The following ZBED4 variants were observed in gnomAD, a reference collection of about 807,000 sequenced individuals.
ZBED4 encodes zinc finger BED-type containing 4.
ZBED4 carries 4 observed loss-of-function variants against 15.5 expected under a neutral mutation model. The ratio of observed to expected loss-of-function variants is 0.26; its 90% CI spans 0.13 to 0.59. ZBED4 has a LOEUF of 0.59. Among genes scored for constraint, ZBED4 ranks in the 20% least tolerant of loss-of-function variants. ZBED4 has a pLI of 0.90. For missense variants in ZBED4, 1,323 were observed against 1,461.8 expected (o/e 0.91, Z 1.55); for synonymous variants, 692 against 608.5 (o/e 1.14, Z -2.02).
chr22:49,877,526 G>A (rs1047831231), intron 1 of ZBED4, among the ~76,000 whole-genome samples: 5 of 151,890 alleles, frequency 3.3e-5, no homozygotes, highest in Non-Finnish European at 5.9e-5. Flanking sequence ...TCCTGACCTC[G>A]TGTGATCCCT....
Position 49,884,232 on chromosome 22 carries a change from A to T in ZBED4, c.570A>T (p.Pro190=). The T allele has an allele frequency of 6.2e-7, 1 of 1,601,826 alleles. No individual in the cohort carries two copies. The highest frequency in any genetic ancestry group is 8.5e-7 in the Non-Finnish European group (1 of 1,172,964). The change falls in exon 2 of 2, where the codon CCA becomes CCT. Residue 190 remains proline (P), a synonymous_variant. Coordinates refer to ENST00000216268, the MANE Select transcript of ZBED4 (RefSeq NM_014838.3). The part of the protein sequence containing the change: ...SSFPSPSLLL[P]PQPADAGDLS... ...TCCCCTCTCCCTCACTCCTGCTTCCACCACAGCCTGCGGACGCGGGTGACC... is the reference window on the plus strand; with the variant it reads ...TCCCCTCTCCCTCACTCCTGCTTCCTCCACAGCCTGCGGACGCGGGTGACC...
chr22:49,857,660 C>T (rs754527378), intron 1 of ZBED4, among the ~76,000 whole-genome samples: 17 of 152,152 alleles, frequency 1.1e-4, no homozygotes, highest in Non-Finnish European at 1.9e-4. Context: ...GTTACAATCT[C>T]GGCTCACTGC....
chr22:49,868,743 T>C (rs2060332498), intron 1 of ZBED4, among the ~76,000 whole-genome samples: 2 of 152,078 alleles, frequency 1.3e-5, no homozygotes, highest in Non-Finnish European at 2.9e-5. Flanking sequence ...ACTTCGTGCA[T>C]GTGTTGTAGG....
intron 1 of ZBED4, among the ~76,000 whole-genome samples, chr22:49,863,713 T>C (rs2060307881): frequency 1.3e-5 from 2 of 152,194 alleles, no homozygotes; most frequent in Admixed American, 6.5e-5. Context: ...CCTCTTCTTA[T>C]CCACTCTCTG....
Position 49,884,771 on chromosome 22 carries a change from G to A in ZBED4, c.1109G>A (p.Ser370Asn). ...PSLLPPEGEL[S>N]SVSSSPVKPV... Reference sequence around the variant, plus strand: ...TTGCTGCCGCCGGAGGGGGAGCTCAGCTCTGTGTCCTCGTCTCCAGTAAAG... The same window carrying A: ...TTGCTGCCGCCGGAGGGGGAGCTCAACTCTGTGTCCTCGTCTCCAGTAAAG... Residue 370 changes from serine to asparagine, a missense_variant, in exon 2 of 2, where the codon AGC becomes AAC. By Grantham distance (46) the Ser-to-Asn change is conservative. Coordinates refer to ENST00000216268, the MANE Select transcript of ZBED4 (RefSeq NM_014838.3). The A allele has an allele frequency of 3.1e-6, 5 of 1,605,190 alleles. No individual in the cohort carries two copies. Among genetic ancestry groups the A allele is most frequent in the Non-Finnish European group, 4.3e-6 (5 of 1,173,972 alleles).
intron 1 of ZBED4, among the ~76,000 whole-genome samples, chr22:49,859,157 T>C (rs1190497530): frequency 1.3e-5 from 2 of 152,160 alleles, no homozygotes; most frequent in African/African-American, 4.8e-5. Flanking sequence ...TTTAGTATGC[T>C]GTTGTTCTTT....
rs138900263 is a variant in ZBED4 at position 49,859,588 on chromosome 22, G to A, written c.-330+5599G>A. ...TGCAGAAAGGCATCTGGACACCGAGGTCCAGGCCATAGACGTAGTCATTGT... is the reference window on the plus strand; with the variant it reads ...TGCAGAAAGGCATCTGGACACCGAGATCCAGGCCATAGACGTAGTCATTGT... On this transcript the variant is annotated intron_variant, in intron 1 of 1. Coordinates refer to ENST00000216268, the MANE Select transcript of ZBED4 (RefSeq NM_014838.3). Among the ~76,000 whole-genome samples, 42 of 152,254 alleles carry A rather than the reference G, an allele frequency of 2.8e-4. No individual in the cohort carries two copies. In the East Asian group the frequency reaches 7.1e-3, roughly 26 times the overall value.
At position 49,888,001 on chromosome 22, in the gene ZBED4, C is replaced by G. The variant is rs2060449277; in HGVS notation, c.*823C>G. ...GCTTCAGCATCTCCACGCTCTGAAG[C>G]TGTCTTTCAAAATGTGTGCACTGAC... On this transcript the variant is annotated 3_prime_UTR_variant, in exon 2 of 2. Transcript: ENST00000216268. 1 of 167,240 alleles carries G rather than the reference C, an allele frequency of 6.0e-6. No individual in the cohort carries two copies. Among genetic ancestry groups the G allele is most frequent in the Admixed American group, 6.5e-5 (1 of 15,286 alleles). 10.4% of individuals were successfully genotyped at this position (167,240 alleles called of 1,614,324 possible). A position where few individuals can be genotyped will look rare whatever the true frequency, so the allele number is the denominator to read the frequency against.
At chr22:49,860,809 T>G (rs1033770146) in intron 1 of ZBED4, among the ~76,000 whole-genome samples, 2 of 151,380 alleles carry the variant, frequency 1.3e-5, no homozygotes, top group East Asian at 3.9e-4. Flanking sequence ...GACAGAGTCT[T>G]GCTCTGTTGC....
At chr22:49,864,944 C>CA (rs1555922771) in intron 1 of ZBED4, among the ~76,000 whole-genome samples, 1 of 85,940 alleles carries the variant, frequency 1.2e-5, no homozygotes, top group Non-Finnish European at 2.0e-5. Context: ...CAAGCCCCCC[C>CA]CCCCCCCCGT....
chr22:49,868,052 C>T (rs772475335), intron 1 of ZBED4, among the ~76,000 whole-genome samples: 1 of 152,320 alleles, frequency 6.6e-6, no homozygotes. Context: ...TTCACACCAT[C>T]GTAAAGTTGC....
rs140107102 is a variant in ZBED4 at position 49,858,004 on chromosome 22, C to T, written c.-330+4015C>T. ...GTCTCGATCTCCTGATCTCGTGATC[C>T]GTCCACCTTGGCCTCCCAAAGTGCC... On this transcript the variant is annotated intron_variant, in intron 1 of 1. Coordinates refer to ENST00000216268, the MANE Select transcript of ZBED4 (RefSeq NM_014838.3). 8.6e-3 allele frequency among the ~76,000 whole-genome samples: 1,309 copies of T among 152,056 alleles called. 21 individuals are homozygous for T. The highest frequency in any genetic ancestry group is 0.031 in the African/African-American group (1,268 of 41,456).
rs1249016427 is a variant in ZBED4, at chr22:49,886,817, G to T, written c.3155G>T (p.Gly1052Val). ...GCTGCCTCCCACAGGTGTGATGCTG[G>T]CTCCCCGTCGAAAGACTCTGCCGCA... is the stretch of plus-strand genomic sequence containing the variant. ...DVAASHRCDA[G>V]SPSKDSAAEE... Residue 1052 changes from glycine (G) to valine (V), a missense_variant, in exon 2 of 2, where the codon GGC becomes GTC. Gly to Val is a moderately radical substitution (Grantham distance 109). Transcript: ENST00000216268. This position sits in a 1 kb window ranked among gnomAD's most constrained non-coding sequence, Gnocchi z 7.7. 6.2e-7 allele frequency: 1 copy of T among 1,613,496 alleles called. No individual in the cohort carries two copies. The highest frequency in any genetic ancestry group is 1.7e-5 in the Admixed American group (1 of 59,970).
chr22:49,865,973 A>T (rs2060320900), intron 1 of ZBED4, among the ~76,000 whole-genome samples: 1 of 150,846 alleles, frequency 6.6e-6, no homozygotes, highest in Non-Finnish European at 1.5e-5. Context: ...CCACCTCCCG[A>T]TGCTGATTAT....
chr22:49,871,902 T>A (rs1357943246), intron 1 of ZBED4, among the ~76,000 whole-genome samples: 1 of 151,894 alleles, frequency 6.6e-6, no homozygotes, highest in Non-Finnish European at 1.5e-5. Flanking sequence ...CACACCAACA[T>A]GCCCAGCTAA....
intron 1 of ZBED4, among the ~76,000 whole-genome samples, chr22:49,867,288 C>T (rs2060326179): frequency 6.6e-6 from 1 of 152,174 alleles, no homozygotes; most frequent in Admixed American, 6.5e-5. Flanking sequence ...TTGAAATGCC[C>T]AACGCGTATG....
chr22:49,886,690 C>A lies in ZBED4; in HGVS notation c.3028C>A (p.Pro1010Thr). 3.1e-6 allele frequency: 5 copies of A among 1,612,952 alleles called. No homozygotes were observed. Among genetic ancestry groups the A allele is most frequent in the Non-Finnish European group, 4.2e-6 (5 of 1,179,620 alleles). The change falls in exon 2 of 2, where the codon CCT becomes ACT. Residue 1010 changes from proline to threonine, a missense_variant. By Grantham distance (38) the Pro-to-Thr change is conservative. Coordinates refer to ENST00000216268, the MANE Select transcript of ZBED4 (RefSeq NM_014838.3). This position sits in a 1 kb window ranked among gnomAD's most constrained non-coding sequence, Gnocchi z 7.7. ...PRYVFATLLD[P>T]RYKASLFTEE... ...GTACGTCTTCGCCACGCTGCTGGAT[C>A]CTCGCTACAAGGCCTCCCTGTTTAC...
intron 1 of ZBED4, among the ~76,000 whole-genome samples, chr22:49,860,653 A>AT (rs1332170157): frequency 1.3e-5 from 2 of 152,134 alleles, no homozygotes; most frequent in African/African-American, 4.8e-5. Context: ...TATGTTGCCC[A>AT]TTTGTTTCAG....
chr22:49,885,640 A>G lies in ZBED4; in HGVS notation c.1978A>G (p.Ser660Gly). The change falls in exon 2 of 2, where the codon AGT becomes GGT. Residue 660 changes from serine (S) to glycine (G), a missense_variant. Around this residue, in one of 6 missense-constraint regions of ZBED4, gnomAD observed 89 missense variants for 129.8 expected, o/e 0.69. Transcript: ENST00000216268. The part of the protein sequence containing the change: ...DSHPVAKKIT[S>G]LIAEMIALDL... ...TCACCCAGTTGCCAAAAAAATCACA[A>G]GTCTCATAGCTGAAATGATTGCACT... The G allele has an allele frequency of 1.2e-6, 2 of 1,612,230 alleles. No individual in the cohort carries two copies. Among genetic ancestry groups the G allele is most frequent in the South Asian group, 2.2e-5 (2 of 91,042 alleles).
Sources: allele counts gnomAD v4.1 joint callset (sites outside exome capture counted in the v4.1 genomes callset), GRCh38; gene constraint gnomAD v4.1.1; regional missense constraint gnomAD v4.1.1; non-coding constraint Gnocchi (gnomAD v3.1); transcripts MANE v1.5; gene names NCBI Gene and HGNC (gene_info 2026-07-23, HGNC 2026-07-21).